NDST4: variants seen among roughly 807,000 people sequenced by gnomAD.
The protein encoded by NDST4 is N-deacetylase and N-sulfotransferase 4.
In NDST4, 63 loss-of-function variants were observed where a neutral mutation model predicts 100.8. The observed-to-expected ratio is 0.62, with a 90% CI of 0.51 to 0.77. The LOEUF is 0.77. Among genes scored for constraint, NDST4 ranks in the 30% least tolerant of loss-of-function variants. The pLI is 0.00. For synonymous variants in NDST4, 377 were observed against 361.8 expected, an observed-to-expected ratio of 1.04 and a Z score of -0.48; for missense variants, 943 against 1,018.4, an observed-to-expected ratio of 0.93 and a Z score of 1.01.
At chr4:114,892,026 T>C (rs1275751100) in intron 6 of NDST4, among the ~76,000 whole-genome samples, 3 of 152,134 alleles carry the variant, frequency 2.0e-5, no homozygotes, top group African/African-American at 7.2e-5. Flanking sequence ...TACACACTGT[T>C]TTGGGATTTT....
chr4:114,956,181 C>T (rs573908422), intron 4 of NDST4, among the ~76,000 whole-genome samples: 3 of 152,258 alleles, frequency 2.0e-5, no homozygotes, highest in South Asian at 2.1e-4. Flanking sequence ...GCTACTACCC[C>T]AACCCAGGAC....
At chr4:114,896,710 T>C (rs1381295424) in intron 6 of NDST4, among the ~76,000 whole-genome samples, 2 of 152,116 alleles carry the variant, frequency 1.3e-5, no homozygotes, top group Non-Finnish European at 2.9e-5. Flanking sequence ...TGTCTATATA[T>C]GAGATGTTCA....
At chr4:115,098,873 T>A in intron 1 of NDST4, among the ~76,000 whole-genome samples, 1 of 152,132 alleles carries the variant, frequency 6.6e-6, no homozygotes, top group South Asian at 2.1e-4. Flanking sequence ...CTAATTTTTT[T>A]TATATACATA....
chr4:115,003,481 T>G (rs1417147258), intron 2 of NDST4, among the ~76,000 whole-genome samples: 2 of 152,178 alleles, frequency 1.3e-5, no homozygotes, highest in Non-Finnish European at 2.9e-5. Context: ...CTTTACCTAA[T>G]TTTATGATGC....
chr4:115,068,266 T>C (rs1373665857), intron 2 of NDST4, among the ~76,000 whole-genome samples: 1 of 152,122 alleles, frequency 6.6e-6, no homozygotes, highest in African/African-American at 2.4e-5. Context: ...AATAAAGGCA[T>C]GAAAACGTTC....
intron 1 of NDST4, among the ~76,000 whole-genome samples, chr4:115,110,188 T>A (rs184768236): frequency 1.3e-5 from 2 of 152,110 alleles, no homozygotes; most frequent in African/African-American, 4.8e-5. Flanking sequence ...CCTGTATATA[T>A]GTGTACACAT....
intron 4 of NDST4, among the ~76,000 whole-genome samples, chr4:114,944,025 A>G (rs1337971280): frequency 2.0e-5 from 3 of 152,198 alleles, no homozygotes; most frequent in Non-Finnish European, 4.4e-5. Context: ...TGAAGCAGAG[A>G]GGAGATTTAG....
At chr4:114,907,994 G>T (rs1227082250) in intron 6 of NDST4, among the ~76,000 whole-genome samples, 4 of 152,128 alleles carry the variant, frequency 2.6e-5, no homozygotes, top group Non-Finnish European at 1.5e-5. Context: ...TATTTTGAGA[G>T]CAGTAACTTG....
intron 3 of NDST4, among the ~76,000 whole-genome samples, chr4:114,974,345 G>C (rs971502316): frequency 6.6e-6 from 1 of 151,678 alleles, no homozygotes; most frequent in Non-Finnish European, 1.5e-5. Context: ...ATGCTTGAAA[G>C]TTAATGATTT....
intron 2 of NDST4, among the ~76,000 whole-genome samples, chr4:115,061,626 G>T (rs560956936): frequency 2.0e-5 from 3 of 151,730 alleles, no homozygotes; most frequent in African/African-American, 4.8e-5. Flanking sequence ...TCTGTCGGGG[G>T]TGAGGGGCAA....
At chr4:114,977,323 T>C (rs1189175732) in intron 2 of NDST4, 49 bp from the exon 3 acceptor site, 4 of 1,306,268 alleles carry the variant, frequency 3.1e-6, no homozygotes, top group Admixed American at 3.8e-5. Context: ...AAATATGAAG[T>C]TTTGGGATGC....
chr4:114,938,477 C>G (rs995328373), intron 4 of NDST4, among the ~76,000 whole-genome samples: 1 of 152,160 alleles, frequency 6.6e-6, no homozygotes, highest in African/African-American at 2.4e-5. Flanking sequence ...ATATCCCTCC[C>G]TTTAAATGCT....
At chr4:114,885,201 C>T (rs1044988622) in intron 6 of NDST4, among the ~76,000 whole-genome samples, 1 of 152,090 alleles carries the variant, frequency 6.6e-6, no homozygotes, top group Non-Finnish European at 1.5e-5. Context: ...CAAAAACATT[C>T]CTGTCAACTG....
chr4:115,026,430 TACAC>T (rs57524504), intron 2 of NDST4, among the ~76,000 whole-genome samples: 3,304 of 148,582 alleles, frequency 0.022, 111 homozygotes, highest in African/African-American at 0.075. Flanking sequence ...TTTTTTAAAG[TACAC>T]ACACACACAC....
At position 115,033,214 on chromosome 4, in the gene NDST4, T is replaced by G. The variant is rs11932147; in HGVS notation, c.978+42845A>C. 3.4e-3 allele frequency among the ~76,000 whole-genome samples: 509 copies of G among 147,574 alleles called. 2 individuals are homozygous for G. The highest frequency in any genetic ancestry group is 0.012 in the African/African-American group (496 of 40,300). ...TTTTGCCCAGGCTGGAGTGCAGAAG[T>G]GTGATCATGGCTCACTGCAGCACTG... On this transcript the variant is annotated intron_variant, in intron 2 of 13. Transcript: ENST00000264363.
chr4:115,006,870 G>A (rs1727430959), intron 2 of NDST4, among the ~76,000 whole-genome samples: 1 of 152,018 alleles, frequency 6.6e-6, no homozygotes, highest in African/African-American at 2.4e-5. Context: ...ATGGAGAAAG[G>A]CAGCCAGCAA....
chr4:114,839,958 C>T (rs914187981), intron 10 of NDST4, among the ~76,000 whole-genome samples: 35 of 152,054 alleles, frequency 2.3e-4, no homozygotes, highest in African/African-American at 7.5e-4. Context: ...CAAATCAACC[C>T]TAATGAAAAA....
chr4:115,032,727 T>G (rs1315285927), intron 2 of NDST4, among the ~76,000 whole-genome samples: 2 of 152,088 alleles, frequency 1.3e-5, no homozygotes, highest in Middle Eastern at 3.2e-3. Flanking sequence ...GACCAAAGCT[T>G]AGGTCCTTGC....
intron 4 of NDST4, 131 bp from the exon 5 acceptor site, chr4:114,937,634 A>T: frequency 1.4e-6 from 1 of 717,764 alleles, no homozygotes; most frequent in South Asian, 2.5e-5. Flanking sequence ...CCAGCAAGGT[A>T]GAGGTTTTAT....
Sources: gnomAD v4.1 joint callset for allele counts (sites outside exome capture counted in the v4.1 genomes callset) on GRCh38, gnomAD v4.1.1 for gene constraint, MANE v1.5 for transcripts, NCBI Gene and HGNC (gene_info 2026-07-23, HGNC 2026-07-21) for gene names.